RAB11FIP2: variants seen among roughly 807,000 people sequenced by gnomAD.
The protein encoded by RAB11FIP2 is RAB11 family interacting protein 2, also known as rab11 family-interacting protein 2.
Under a neutral mutation model 40.9 loss-of-function variants are expected in RAB11FIP2, and 16 were observed. That is an observed-to-expected ratio of 0.39 (90% CI 0.26 to 0.59). The LOEUF (loss-of-function observed/expected upper bound fraction) is 0.59. Ranked by LOEUF, RAB11FIP2 falls within the 20% of genes least tolerant of loss-of-function variation. The pLI is 0.53. For synonymous variants in RAB11FIP2, 228 were observed against 213.7 expected (o/e 1.07, Z -0.58); for missense variants, 532 against 606.2 (o/e 0.88, Z 1.28).
chr10:118,009,184 C>T lies in RAB11FIP2; in HGVS notation c.1353G>A (p.Leu451=). The T allele has an allele frequency of 6.2e-7, 1 of 1,613,540 alleles. No homozygotes were observed. Among genetic ancestry groups the T allele is most frequent in the South Asian group, 1.1e-5 (1 of 91,066 alleles). Residue 451 remains leucine (L), a synonymous_variant, in exon 5 of 5, where the codon CTG becomes CTA. Transcript: ENST00000355624. ...GCTCCTGTAGAACCTCTTCATAGGT[C>T]AGACTACGATACCCTGCAGTGGCAT... ...PFDATAGYRS[L]TYEEVLQELV... is the part of the protein sequence containing the mutation.
Position 118,044,618 on chromosome 10 carries a change from T to C in RAB11FIP2, c.353+1193A>G, listed in dbSNP as rs73411807. 8.8e-3 allele frequency among the ~76,000 whole-genome samples: 1,340 copies of C among 152,228 alleles called. 12 individuals carry two copies. Among genetic ancestry groups the C allele is most frequent in the African/African-American group, 0.029 (1,219 of 41,550 alleles). ...GCATTCCTAGTATTTCTGATCTCTCTACACTTTTACTCCACATATATTAAA... is the reference window on the plus strand; with the variant it reads ...GCATTCCTAGTATTTCTGATCTCTCCACACTTTTACTCCACATATATTAAA... On this transcript the variant is annotated intron_variant, in intron 1 of 4. Transcript: ENST00000355624.
rs571775336 is a variant in RAB11FIP2 at position 118,022,584 on chromosome 10, G to A, written c.1266-7474C>T. On this transcript the variant is annotated intron_variant, in intron 3 of 4. Coordinates refer to ENST00000355624, the MANE Select transcript of RAB11FIP2 (RefSeq NM_014904.3). ...AAACAGAAATGCTACCATCTATTTC[G>A]TAGAATTAAAAGAGGGTTAAAAGAA... 5.9e-5 allele frequency among the ~76,000 whole-genome samples: 9 copies of A among 152,148 alleles called. No homozygotes were observed. In the East Asian group the frequency reaches 9.7e-4, roughly 16 times the overall value.
Position 118,005,143 on chromosome 10 carries a change from G to A in RAB11FIP2, c.*3855C>T, listed in dbSNP as rs534925899. 3.3e-5 allele frequency: 5 copies of A among 152,560 alleles called. No individual in the cohort carries two copies. The highest frequency in any genetic ancestry group is 7.2e-5 in the African/African-American group (3 of 41,506). 9.5% of individuals were successfully genotyped at this position (152,560 alleles called of 1,614,324 possible). A position where few individuals can be genotyped will look rare whatever the true frequency, so the allele number is the denominator to read the frequency against. ...TAATGCTTCTATCTTTCAAATACCC[G>A]CTAAATATATGCATTTCTAGATCTG... On this transcript the variant is annotated 3_prime_UTR_variant, in exon 5 of 5. Coordinates refer to ENST00000355624, the MANE Select transcript of RAB11FIP2 (RefSeq NM_014904.3).
chr10:118,024,030 C>T (rs964510727), intron 3 of RAB11FIP2, among the ~76,000 whole-genome samples: 1 of 149,736 alleles, frequency 6.7e-6, no homozygotes, highest in Middle Eastern at 3.3e-3. Context: ...ACGGAGGCTG[C>T]AGTGAGCTGA....
intron 3 of RAB11FIP2, among the ~76,000 whole-genome samples, chr10:118,015,837 C>T (rs1364539150): frequency 1.3e-5 from 2 of 152,168 alleles, no homozygotes; most frequent in Non-Finnish European, 1.5e-5. Context: ...TTCATCGGTG[C>T]TATTCAAGTT....
chr10:118,023,719 C>T (rs1317763082), intron 3 of RAB11FIP2, among the ~76,000 whole-genome samples: 1 of 152,080 alleles, frequency 6.6e-6, no homozygotes, highest in Middle Eastern at 3.2e-3. Flanking sequence ...AGTCCTAGAA[C>T]TTGAGGATTT....
Position 118,045,948 on chromosome 10 carries a change from T to G in RAB11FIP2, c.216A>C (p.Leu72=). The part of the protein sequence containing the change: ...EEASFELPGL[L]IQGSPEKYIL... Reference sequence around the variant, plus strand: ...TGTATTTCTCTGGACTTCCCTGAATTAGCAATCCAGGTAGCTCGAAAGAGG... The same window carrying G: ...TGTATTTCTCTGGACTTCCCTGAATGAGCAATCCAGGTAGCTCGAAAGAGG... The change falls in exon 1 of 5, where the codon CTA becomes CTC. Residue 72 remains leucine (L), a synonymous_variant. Transcript: ENST00000355624. The G allele has an allele frequency of 6.2e-7, 1 of 1,614,226 alleles. No homozygotes were observed. The highest frequency in any genetic ancestry group is 8.5e-7 in the Non-Finnish European group (1 of 1,180,034).
At chr10:118,031,251 A>G (rs1248371651) in intron 3 of RAB11FIP2, among the ~76,000 whole-genome samples, 1 of 152,178 alleles carries the variant, frequency 6.6e-6, no homozygotes, top group Admixed American at 6.6e-5. Flanking sequence ...CATTCAGGAA[A>G]AAAAAGTCCA....
intron 4 of RAB11FIP2, among the ~76,000 whole-genome samples, chr10:118,011,391 G>GCGCACAGA (rs144517584): frequency 6.7e-6 from 1 of 149,852 alleles, no homozygotes; most frequent in African/African-American, 2.4e-5. Context: ...ACACACATGC[G>GCGCACAGA]CACACACACA....
chr10:118,045,844 T>A lies in RAB11FIP2; in HGVS notation c.320A>T (p.Asp107Val). 6.2e-7 allele frequency: 1 copy of A among 1,612,116 alleles called. No individual in the cohort carries two copies. The highest frequency in any genetic ancestry group is 1.1e-5 in the South Asian group (1 of 90,766). The part of the protein sequence containing the change: ...FLGQVAINLN[D>V]IFEDKQRRKT... The stretch of plus-strand genomic sequence containing the variant: ...CCTTCTTTGTTTGTCCTCAAAGATG[T>A]CATTGAGATTGATTGCCACCTGCCC... The change falls in exon 1 of 5, where the codon GAC becomes GTC. Residue 107 changes from aspartate (D) to valine (V), a missense_variant. Physicochemically the swap from Asp to Val is radical, Grantham distance 152 (BLOSUM62 -3). Coordinates refer to ENST00000355624, the MANE Select transcript of RAB11FIP2 (RefSeq NM_014904.3).
At chr10:118,045,108 C>T (rs3781491) in intron 1 of RAB11FIP2, among the ~76,000 whole-genome samples, 2,983 of 152,212 alleles carry the variant, frequency 0.02, 114 homozygotes, top group East Asian at 0.19. Context: ...AAAAATTTAT[C>T]ATTCTCTCCA....
chr10:118,029,073 C>T (rs1365186878), intron 3 of RAB11FIP2, among the ~76,000 whole-genome samples: 1 of 151,368 alleles, frequency 6.6e-6, no homozygotes, highest in Non-Finnish European at 1.5e-5. Flanking sequence ...GACTACAATC[C>T]CAAGTTTGAT....
intron 1 of RAB11FIP2, 148 bp downstream of exon 1, chr10:118,045,663 T>C: frequency 3.2e-6 from 2 of 620,384 alleles, no homozygotes; most frequent in Non-Finnish European, 5.5e-6. Context: ...CTACTTTTAC[T>C]TCAGATTCAT....
chr10:118,007,612 ACT>A lies in RAB11FIP2; in HGVS notation c.*1384_*1385del, dbSNP rs1310499781. The A allele has an allele frequency of 6.6e-6, 1 of 152,032 alleles. No homozygotes were observed. Among genetic ancestry groups the A allele is most frequent in the Non-Finnish European group, 1.5e-5 (1 of 67,958 alleles). The allele number at this position is 152,032 out of a possible 1,614,324, so 9.4% of individuals were successfully genotyped here. A position where few individuals can be genotyped will look rare whatever the true frequency, so the allele number is the denominator to read the frequency against. On this transcript the variant is annotated 3_prime_UTR_variant, in exon 5 of 5. Transcript: ENST00000355624. ...ATTTTAAATTCAGAAAGACATAGAT[ACT>A]CTCAGTGTTTTATAGTATTTCAGAC...
chr10:118,043,672 A>G (rs1846591015), intron 1 of RAB11FIP2: 1 of 152,260 alleles, frequency 6.6e-6, no homozygotes, highest in South Asian at 2.1e-4. Flanking sequence ...CAAAATGTAA[A>G]AAGTGTCACA....
chr10:118,039,544 C>T, intron 2 of RAB11FIP2, 104 bp from the exon 3 acceptor site: 5 of 960,236 alleles, frequency 5.2e-6, no homozygotes, highest in Non-Finnish European at 6.1e-6. Flanking sequence ...GAGCAATTAG[C>T]CACTTAAATG....
rs961137562 is a variant in RAB11FIP2 at position 118,030,404 on chromosome 10, C to T, written c.1265+8568G>A. Among the ~76,000 whole-genome samples, 4 of 152,100 alleles carry T rather than the reference C, an allele frequency of 2.6e-5. No individual in the cohort carries two copies. In the East Asian group the frequency reaches 5.8e-4, roughly 22 times the overall value. On this transcript the variant is annotated intron_variant, in intron 3 of 4. Coordinates refer to ENST00000355624, the MANE Select transcript of RAB11FIP2 (RefSeq NM_014904.3). The stretch of plus-strand genomic sequence containing the variant: ...TTCTCTTTAAGTATTGGACTCGCTA[C>T]GTGTTATCCAGTGTCCAGTGCCTAA...
At chr10:118,032,704 G>A (rs1433824096) in intron 3 of RAB11FIP2, among the ~76,000 whole-genome samples, 6 of 152,042 alleles carry the variant, frequency 3.9e-5, no homozygotes, top group African/African-American at 1.4e-4. Flanking sequence ...ATATTAAATG[G>A]AAAATTCCAG....
chr10:118,027,048 T>A lies in RAB11FIP2; in HGVS notation c.1265+11924A>T, dbSNP rs570809754. Among the ~76,000 whole-genome samples, 3 of 152,338 alleles carry A rather than the reference T, an allele frequency of 2.0e-5. No homozygotes were observed. The South Asian group carries it at 6.2e-4, about 32-fold the overall frequency. ...TTGGAAAAAAATTCCACCTAATTTATTTAAAGCAATTGTTAAGTATTCTCT... is the reference window on the plus strand; with the variant it reads ...TTGGAAAAAAATTCCACCTAATTTAATTAAAGCAATTGTTAAGTATTCTCT... On this transcript the variant is annotated intron_variant, in intron 3 of 4. Coordinates refer to ENST00000355624, the MANE Select transcript of RAB11FIP2 (RefSeq NM_014904.3).
Sources: gnomAD v4.1 joint callset for allele counts (sites outside exome capture counted in the v4.1 genomes callset) on GRCh38, gnomAD v4.1.1 for gene constraint, MANE v1.5 for transcripts, NCBI Gene and HGNC (gene_info 2026-07-23, HGNC 2026-07-21) for gene names.